The following RBFOX1 variants were observed in gnomAD, a reference collection of about 807,000 sequenced individuals.
RBFOX1 encodes RNA binding fox-1 homolog 1, also known as RNA binding protein fox-1 homolog 1.
Under a neutral mutation model 57.7 loss-of-function variants are expected in RBFOX1, and 8 were observed. The observed-to-expected ratio is 0.14, with a 90% CI of 0.08 to 0.25. RBFOX1 has a LOEUF of 0.25. Ranked by LOEUF, RBFOX1 falls within the 10% of genes least tolerant of loss-of-function variation. RBFOX1 has a pLI of 1.00. For missense variants in RBFOX1, 611 were observed against 548.5 expected, an observed-to-expected ratio of 1.11 and a Z score of -1.14; for synonymous variants, 326 against 222.4, an observed-to-expected ratio of 1.47 and a Z score of -4.15.
intron 1 of RBFOX1, among the ~76,000 whole-genome samples, chr16:5,333,093 C>T (rs1358987251): frequency 6.6e-6 from 1 of 152,084 alleles, no homozygotes; most frequent in Non-Finnish European, 1.5e-5. Context: ...GAGACTGAGA[C>T]AGGAGAATCG....
chr16:5,691,619 A>G (rs2050682705), intron 3 of RBFOX1, among the ~76,000 whole-genome samples: 1 of 152,204 alleles, frequency 6.6e-6, no homozygotes. Context: ...GAGCATCTCT[A>G]ATCCAAAAAT....
chr16:6,968,700 A>T (rs1371345437), intron 3 of RBFOX1, among the ~76,000 whole-genome samples: 1 of 151,988 alleles, frequency 6.6e-6, no homozygotes, highest in African/African-American at 2.4e-5. Flanking sequence ...GAGTACACAT[A>T]CTAACTCCTG....
chr16:6,050,808 G>A (rs2046352883), intron 1 of RBFOX1, among the ~76,000 whole-genome samples: 1 of 151,722 alleles, frequency 6.6e-6, no homozygotes, highest in South Asian at 2.1e-4. Context: ...AAATATATGA[G>A]CTTGTTTATT....
chr16:6,932,953 C>G (rs943846930), intron 3 of RBFOX1, among the ~76,000 whole-genome samples: 2 of 152,214 alleles, frequency 1.3e-5, no homozygotes, highest in Admixed American at 1.3e-4. Context: ...TCTTTATGAA[C>G]TTGACTGCTC....
At chr16:6,001,757 T>C (rs2060603604) in intron 4 of RBFOX1, among the ~76,000 whole-genome samples, 1 of 152,144 alleles carries the variant, frequency 6.6e-6, no homozygotes, top group East Asian at 1.9e-4. Context: ...AGAGTGCAGC[T>C]GGTACAAATA....
chr16:5,425,105 CTA>C (rs1555515006), intron 1 of RBFOX1, among the ~76,000 whole-genome samples: 1 of 131,462 alleles, frequency 7.6e-6, no homozygotes, highest in Non-Finnish European at 1.6e-5. Context: ...ATCTATCTAT[CTA>C]TCTATCTATC....
chr16:7,612,031 C>T (rs547983085), intron 10 of RBFOX1, among the ~76,000 whole-genome samples: 2 of 152,130 alleles, frequency 1.3e-5, no homozygotes, highest in South Asian at 2.1e-4. Context: ...TTATTCAAGA[C>T]AAATGATTTG....
chr16:6,734,864 C>T (rs2069689736), intron 3 of RBFOX1, among the ~76,000 whole-genome samples: 1 of 152,132 alleles, frequency 6.6e-6, no homozygotes, highest in Admixed American at 6.5e-5. Flanking sequence ...GAGTCATTTT[C>T]AATAGTTCTT....
chr16:5,467,196 CTT>C lies in RBFOX1; in HGVS notation c.220-9_220-8del, dbSNP rs754559870. ...TTCTTCTCTCTCTCTCTCTCTCTCT[CTT>C]TTTTTTTTTTAATGCAGGATCTACT... On this transcript the variant is annotated intron_variant, in intron 1 of 2. Transcript: ENST00000585867. 425 of 1,054,404 alleles carry C rather than the reference CTT, an allele frequency of 4.0e-4. No homozygotes were observed. Among genetic ancestry groups the C allele is most frequent in the South Asian group, 1.5e-3 (79 of 52,520 alleles). The allele number at this position is 1,054,404 out of a possible 1,614,324, so 65.3% of individuals were successfully genotyped here. A position where few individuals can be genotyped will look rare whatever the true frequency, so the allele number is the denominator to read the frequency against.
intron 2 of RBFOX1, among the ~76,000 whole-genome samples, chr16:5,586,866 G>T (rs958632925): frequency 1.3e-5 from 2 of 152,186 alleles, no homozygotes; most frequent in Admixed American, 6.5e-5. Flanking sequence ...TTTGGACCAG[G>T]ACAGTATCCT....
At chr16:7,175,634 C>T (rs560945836) in intron 4 of RBFOX1, among the ~76,000 whole-genome samples, 2 of 152,300 alleles carry the variant, frequency 1.3e-5, no homozygotes, top group East Asian at 3.9e-4. Context: ...TTATCTCACC[C>T]CAACAGCTGT....
intron 3 of RBFOX1, among the ~76,000 whole-genome samples, chr16:6,693,984 C>G (rs1013146709): frequency 1.4e-4 from 22 of 152,192 alleles, no homozygotes; most frequent in African/African-American, 5.3e-4. Flanking sequence ...ACCAAGGTAA[C>G]TATAAAGATT....
At chr16:6,893,546 A>C (rs1021329598) in intron 3 of RBFOX1, among the ~76,000 whole-genome samples, 1 of 152,130 alleles carries the variant, frequency 6.6e-6, no homozygotes, top group Non-Finnish European at 1.5e-5. Context: ...TTCTGAATCA[A>C]ACCAAGTCCA....
chr16:6,453,355 A>C (rs1291805829), intron 2 of RBFOX1, among the ~76,000 whole-genome samples: 1 of 152,148 alleles, frequency 6.6e-6, no homozygotes, highest in African/African-American at 2.4e-5. Flanking sequence ...GAGTGAAAAC[A>C]TGCGGTGTTT....
At chr16:7,680,139 G>A (rs952486089) in intron 14 of RBFOX1, among the ~76,000 whole-genome samples, 2 of 152,132 alleles carry the variant, frequency 1.3e-5, no homozygotes, top group African/African-American at 4.8e-5. Context: ...GGATTGGACA[G>A]GTCCATCACA....
At chr16:7,128,934 C>A (rs909776232) in intron 4 of RBFOX1, among the ~76,000 whole-genome samples, 8 of 151,372 alleles carry the variant, frequency 5.3e-5, no homozygotes, top group Admixed American at 1.3e-4. Context: ...CATTCTCCTG[C>A]CTCAACCTCC....
chr16:5,259,244 C>A (rs2062667995), intron 1 of RBFOX1, among the ~76,000 whole-genome samples: 2 of 151,632 alleles, frequency 1.3e-5, no homozygotes, highest in African/African-American at 4.8e-5. Context: ...TTAGGAACAT[C>A]AGAATTATGT....
At chr16:6,983,367 G>A (rs1353020031) in intron 3 of RBFOX1, among the ~76,000 whole-genome samples, 1 of 151,520 alleles carries the variant, frequency 6.6e-6, no homozygotes, top group African/African-American at 2.4e-5. Flanking sequence ...GTGGGGGGTG[G>A]TCTTTGAAAA....
At chr16:6,515,518 G>T (rs932540946) in intron 2 of RBFOX1, among the ~76,000 whole-genome samples, 2 of 152,144 alleles carry the variant, frequency 1.3e-5, no homozygotes, top group African/African-American at 2.4e-5. Context: ...CAGTTACATT[G>T]TTCCCATGTC....
Sources: gnomAD v4.1 joint callset for allele counts (sites outside exome capture counted in the v4.1 genomes callset) on GRCh38, gnomAD v4.1.1 for gene constraint, MANE v1.5 for transcripts, NCBI Gene and HGNC (gene_info 2026-07-23, HGNC 2026-07-21) for gene names.